Variants in POLR3GL observed in about 807,000 individuals in gnomAD.
The protein encoded by POLR3GL is RNA polymerase III subunit GL.
In POLR3GL, 26 loss-of-function variants were observed where a neutral mutation model predicts 32.4. The ratio of observed to expected loss-of-function variants is 0.80; its 90% CI spans 0.59 to 1.11. The LOEUF (loss-of-function observed/expected upper bound fraction) is 1.11. POLR3GL is among the 50% of genes most tolerant of loss of function. POLR3GL has a pLI of 0.00. For missense variants in POLR3GL, 229 were observed against 280.1 expected, an observed-to-expected ratio of 0.82 and a Z score of 1.30; for synonymous variants, 95 against 98.7, an observed-to-expected ratio of 0.96 and a Z score of 0.22.
Position 145,978,414 on chromosome 1 carries a change from C to A in POLR3GL, c.624C>A (p.Asp208Glu). 1 of 1,610,726 alleles carries A rather than the reference C, an allele frequency of 6.2e-7. No homozygotes were observed. The highest frequency in any genetic ancestry group is 8.5e-7 in the Non-Finnish European group (1 of 1,177,642). Residue 208 changes from aspartate to glutamate, a missense_variant, in exon 8 of 8, where the codon GAC (aspartate) becomes GAA (glutamate). Coordinates refer to ENST00000369314, the MANE Select transcript of POLR3GL (RefSeq NM_032305.3). ...YFDNGEDFGG[D>E]SDDNMDEAIY is the part of the protein sequence containing the mutation. ...ACAATGGAGAGGACTTTGGTGGTGA[C>A]AGTGATGACAATATGGACGAGGCTA...
intron 1 of POLR3GL, among the ~76,000 whole-genome samples, chr1:145,971,200 A>T (rs906415294): frequency 6.6e-6 from 1 of 151,624 alleles, no homozygotes; most frequent in East Asian, 1.9e-4. Flanking sequence ...AAAAAAAAAA[A>T]AAAAAAATTG....
At chr1:145,972,349 C>T (rs1650359762) in intron 1 of POLR3GL, among the ~76,000 whole-genome samples, 1 of 149,136 alleles carries the variant, frequency 6.7e-6, no homozygotes, top group African/African-American at 2.5e-5. Flanking sequence ...CGTTGTACTC[C>T]AGCCTGGGCA....
chr1:145,977,734 C>G, intron 5 of POLR3GL, 44 bp from the exon 6 acceptor site: 1 of 1,592,626 alleles, frequency 6.3e-7, no homozygotes, highest in Non-Finnish European at 8.6e-7. Flanking sequence ...ATAAAGCTGG[C>G]AAAATTTGCT....
intron 1 of POLR3GL, among the ~76,000 whole-genome samples, chr1:145,965,960 ACAAAAATTAGCTG>A (rs1286597807): frequency 6.6e-6 from 1 of 151,848 alleles, no homozygotes; most frequent in Non-Finnish European, 1.5e-5. Flanking sequence ...TACTAAAAAT[ACAAAAATTAGCTG>A]GGCGTGTTGG....
chr1:145,966,729 C>T lies in POLR3GL; in HGVS notation c.-42+1961C>T, dbSNP rs190182564. 4.0e-3 allele frequency among the ~76,000 whole-genome samples: 614 copies of T among 151,648 alleles called. 4 individuals carry two copies. Among genetic ancestry groups the T allele is most frequent in the African/African-American group, 0.014 (580 of 41,298 alleles). On this transcript the variant is annotated intron_variant, in intron 1 of 7. Transcript: ENST00000369314. The stretch of plus-strand genomic sequence containing the variant: ...ACTTGAACCCAGGAGGTGGAGGTTG[C>T]GGTGAGCTGAGATTGCGCCATTGCA...
chr1:145,978,034 G>A lies in POLR3GL; in HGVS notation c.508G>A (p.Glu170Lys). The change falls in exon 7 of 8, where the codon GAA becomes AAA. Residue 170 changes from glutamate (E) to lysine (K), a missense_variant. Glu to Lys is a moderately conservative substitution (Grantham distance 56). Transcript: ENST00000369314. ...EVTSEEDEEK[E>K]EEEEKEEEEE... is the part of the protein sequence containing the mutation. Reference sequence around the variant, plus strand: ...AACTTCAGAGGAGGATGAGGAGAAAGAAGAAGAAGAAGAGAAGGAAGAGGA... The same window carrying A: ...AACTTCAGAGGAGGATGAGGAGAAAAAAGAAGAAGAAGAGAAGGAAGAGGA... 2 of 1,390,174 alleles carry A rather than the reference G, an allele frequency of 1.4e-6. No individual in the cohort carries two copies. The highest frequency in any genetic ancestry group is 2.0e-6 in the Non-Finnish European group (2 of 996,228). 86.1% of individuals were successfully genotyped at this position (1,390,174 alleles called of 1,614,324 possible). A position where few individuals can be genotyped will look rare whatever the true frequency, so the allele number is the denominator to read the frequency against.
intron 1 of POLR3GL, among the ~76,000 whole-genome samples, chr1:145,968,816 C>T (rs1170668845): frequency 2.0e-5 from 3 of 152,044 alleles, no homozygotes; most frequent in African/African-American, 7.2e-5. Flanking sequence ...CGTGATCCGC[C>T]CACCTCAGCC....
chr1:145,977,914 A>G lies in POLR3GL; in HGVS notation c.456+63A>G, dbSNP rs1445282640. On this transcript the variant is annotated intron_variant, in intron 6 of 7. Coordinates refer to ENST00000369314, the MANE Select transcript of POLR3GL (RefSeq NM_032305.3). ...GGATCCATTCCCTCTCTCTTGGCCC[A>G]TGTGTGCCTCAATTTTTCCCTTCTG... 2.5e-6 allele frequency: 4 copies of G among 1,613,724 alleles called. No homozygotes were observed. In the African/African-American group the frequency reaches 5.3e-5, roughly 22 times the overall value.
chr1:145,971,834 G>A (rs1650312461), intron 1 of POLR3GL, among the ~76,000 whole-genome samples: 2 of 149,324 alleles, frequency 1.3e-5, no homozygotes, highest in African/African-American at 4.9e-5. Flanking sequence ...GCGTAGTGGC[G>A]TGCGCCCGTA....
At chr1:145,968,150 G>C (rs1042375620) in intron 1 of POLR3GL, among the ~76,000 whole-genome samples, 3 of 152,200 alleles carry the variant, frequency 2.0e-5, no homozygotes, top group East Asian at 1.9e-4. Flanking sequence ...GAGTAAAACA[G>C]AGTACAGGGG....
At position 145,978,534 on chromosome 1, in the gene POLR3GL, T is replaced by G; in HGVS notation, c.*87T>G. 2 of 885,064 alleles carry G rather than the reference T, an allele frequency of 2.3e-6. No homozygotes were observed. The highest frequency in any genetic ancestry group is 3.7e-6 in the Non-Finnish European group (2 of 534,782). 54.8% of individuals were successfully genotyped at this position (885,064 alleles called of 1,614,324 possible). A position where few individuals can be genotyped will look rare whatever the true frequency, so the allele number is the denominator to read the frequency against. On this transcript the variant is annotated 3_prime_UTR_variant, in exon 8 of 8. Coordinates refer to ENST00000369314, the MANE Select transcript of POLR3GL (RefSeq NM_032305.3). Reference sequence around the variant, plus strand: ...TGTTTCTTCAGACAAGCAAATCATTTGGTCAGAGTTCATATAATCTGTCTG... The same window carrying G: ...TGTTTCTTCAGACAAGCAAATCATTGGGTCAGAGTTCATATAATCTGTCTG...
rs587616249 is a variant in POLR3GL, at chr1:145,974,889, G to C, written c.24G>C (p.Arg8=). Residue 8 remains arginine, a synonymous_variant, in exon 2 of 8, where the codon CGG becomes CGC. Coordinates refer to ENST00000369314, the MANE Select transcript of POLR3GL (RefSeq NM_032305.3). ...CCATGGCCAGCCGGGGTGGGGGCCG[G>C]GGTCGTGGCCGGGGCCAGTTGACCT... MASRGGG[R]GRGRGQLTFN... 6.6e-7 allele frequency: 1 copy of C among 1,521,520 alleles called. No individual in the cohort carries two copies. Among genetic ancestry groups the C allele is most frequent in the Admixed American group, 2.6e-5 (1 of 38,180 alleles). The allele number at this position is 1,521,520 out of a possible 1,614,324, so 94.3% of individuals were successfully genotyped here.
At chr1:145,971,185 CAAAAAAAAA>C (rs36126138) in intron 1 of POLR3GL, among the ~76,000 whole-genome samples, 2 of 90,680 alleles carry the variant, frequency 2.2e-5, no homozygotes, top group Admixed American at 1.4e-4. Flanking sequence ...AACTCCATCT[CAAAAAAAAA>C]AAAAAAAAAA....
At chr1:145,972,631 TTGGCTC>T (rs1194332194) in intron 1 of POLR3GL, among the ~76,000 whole-genome samples, 2 of 152,208 alleles carry the variant, frequency 1.3e-5, no homozygotes, top group Non-Finnish European at 2.9e-5. Context: ...ACTTTTTCAG[TTGGCTC>T]TTATGTCCCT....
At chr1:145,974,643 T>C (rs1327348122) in intron 1 of POLR3GL, among the ~76,000 whole-genome samples, 182 bp from the exon 2 acceptor site, 1 of 152,220 alleles carries the variant, frequency 6.6e-6, no homozygotes, top group African/African-American at 2.4e-5. Context: ...TGGGGGACCA[T>C]GTCTCATTCA....
intron 1 of POLR3GL, among the ~76,000 whole-genome samples, chr1:145,968,523 G>A (rs1650135498): frequency 6.6e-6 from 1 of 151,940 alleles, no homozygotes; most frequent in South Asian, 2.1e-4. Context: ...TTAACCAGCT[G>A]GTTAGAATGT....
In POLR3GL at chr1:145,977,842, G is replaced by A; in HGVS notation, c.447G>A (p.Gln149=). The A allele has an allele frequency of 6.2e-7, 1 of 1,613,994 alleles. No individual in the cohort carries two copies. Among genetic ancestry groups the A allele is most frequent in the East Asian group, 2.2e-5 (1 of 44,884 alleles). ...CAGAAGATAAGGAGGAAACAATACA[G>A]AAACTAGAGGTGAGGAGGAAGTGTG... ...KTTEDKEETI[Q]KLETLEKKEE... is the part of the protein sequence containing the mutation. Residue 149 remains glutamine (Q), a synonymous_variant, in exon 6 of 8, where the codon CAG becomes CAA. Coordinates refer to ENST00000369314, the MANE Select transcript of POLR3GL (RefSeq NM_032305.3).
At chr1:145,971,174 A>G (rs1375788904) in intron 1 of POLR3GL, among the ~76,000 whole-genome samples, 2 of 131,234 alleles carry the variant, frequency 1.5e-5, no homozygotes, top group African/African-American at 6.0e-5. Context: ...AACAAGAGCG[A>G]AACTCCATCT....
intron 1 of POLR3GL, among the ~76,000 whole-genome samples, chr1:145,968,796 C>G (rs1214905601): frequency 6.6e-6 from 1 of 152,060 alleles, no homozygotes; most frequent in Non-Finnish European, 1.5e-5. Context: ...TGGTCTTGAA[C>G]TCCTGACCTC....
Sources: allele counts gnomAD v4.1 joint callset (sites outside exome capture counted in the v4.1 genomes callset), GRCh38; gene constraint gnomAD v4.1.1; transcripts MANE v1.5; gene names NCBI Gene and HGNC (gene_info 2026-07-23, HGNC 2026-07-21).